Variants in SOX30 observed in about 807,000 individuals in gnomAD.
SOX30 encodes transcription factor SOX-30.
A neutral mutation model predicts 58.6 loss-of-function variants in SOX30; 17 were observed. The ratio of observed to expected loss-of-function variants is 0.29; its 90% CI spans 0.20 to 0.44. The LOEUF (loss-of-function observed/expected upper bound fraction) is 0.44. Ranked by LOEUF, SOX30 falls within the 20% of genes least tolerant of loss-of-function variation. The pLI, the probability that SOX30 is intolerant of heterozygous loss-of-function variation, is 1.00. For missense variants in SOX30, 951 were observed against 965.8 expected (o/e 0.98, Z 0.20); for synonymous variants, 421 against 400.2 (o/e 1.05, Z -0.62).
At chr5:157,664,660 A>C (rs1759638648) in intron 2 of SOX30, among the ~76,000 whole-genome samples, 1 of 152,240 alleles carries the variant, frequency 6.6e-6, no homozygotes, top group East Asian at 1.9e-4. Context: ...CAGAGTGAAC[A>C]GGCAACCTAC....
chr5:157,666,516 CACACACACACA>C (rs1759676016), intron 2 of SOX30, among the ~76,000 whole-genome samples: 1 of 148,954 alleles, frequency 6.7e-6, no homozygotes, highest in African/African-American at 2.5e-5. Flanking sequence ...CACACACACA[CACACACACACA>C]CCTCAGTTCA....
rs905050545 is a variant in SOX30, at chr5:157,667,436, G to C, written c.52+362C>G. Among the ~76,000 whole-genome samples the C allele has an allele frequency of 6.6e-5, 10 of 152,104 alleles. No homozygotes were observed. In the East Asian group the frequency reaches 1.9e-3, roughly 29 times the overall value. ...TGCTTTGGAGTACTTGGAAAAACCA[G>C]TTTAAAAACCTTGAGGCTGGGTATG... On this transcript the variant is annotated intron_variant, in intron 2 of 5. Coordinates refer to the SOX30 transcript ENST00000519442.
intron 4 of SOX30, among the ~76,000 whole-genome samples, chr5:157,635,628 A>AAAAAAC (rs369422470): frequency 0.089 from 13,576 of 151,746 alleles, 766 homozygotes; most frequent in Non-Finnish European, 0.13. Context: ...TGTCTCAAAA[A>AAAAAAC]AAAAACAAAA....
At chr5:157,656,827 G>A (rs1017341102), upstream of SOX30, among the ~76,000 whole-genome samples, 3 of 152,184 alleles carry the variant, frequency 2.0e-5, no homozygotes, top group African/African-American at 7.2e-5. Flanking sequence ...GAAAGTTTTG[G>A]AAAGTGTGAA....
chr5:157,671,091 C>T (rs1759771643), intron 1 of SOX30, among the ~76,000 whole-genome samples: 1 of 152,150 alleles, frequency 6.6e-6, no homozygotes, highest in African/African-American at 2.4e-5. Context: ...AAGCCTTAGC[C>T]AAGGGTCTTC....
chr5:157,652,385 T>G lies in SOX30; in HGVS notation c.-307A>C, dbSNP rs968032663. The G allele has an allele frequency of 1.5e-5, 17 of 1,115,934 alleles. No individual in the cohort carries two copies. The highest frequency in any genetic ancestry group is 3.2e-5 in the African/African-American group (2 of 61,702). The allele number at this position is 1,115,934 out of a possible 1,614,324, so 69.1% of individuals were successfully genotyped here. The stretch of plus-strand genomic sequence containing the variant: ...TTTCGTTCTGACTCTCTTGTGGAGT[T>G]CTCTTACAGCCGTTGTCTTTAGTCA... On this transcript the variant is annotated 5_prime_UTR_variant, in exon 1 of 5. Transcript: ENST00000265007.
At position 157,652,249 on chromosome 5, in the gene SOX30, T is replaced by G; in HGVS notation, c.-171A>C. The G allele has an allele frequency of 7.9e-7, 1 of 1,260,426 alleles. No homozygotes were observed. The highest frequency in any genetic ancestry group is 9.9e-7 in the Non-Finnish European group (1 of 1,006,682). The allele number at this position is 1,260,426 out of a possible 1,614,324, so 78.1% of individuals were successfully genotyped here. On this transcript the variant is annotated 5_prime_UTR_variant, in exon 1 of 5. Transcript: ENST00000265007. Reference sequence around the variant, plus strand: ...ACCCAATCACAACGACCGATACCCGTGGACGGCCAATCACAGGCGGGTTTT... The same window carrying G: ...ACCCAATCACAACGACCGATACCCGGGGACGGCCAATCACAGGCGGGTTTT...
upstream of SOX30, chr5:157,652,493 T>G (rs1005194355): frequency 1.6e-6 from 1 of 613,046 alleles, no homozygotes; most frequent in Non-Finnish European, 2.0e-6. Flanking sequence ...GGGAATGAAG[T>G]CTTGCGTCAC....
chr5:157,671,165 T>C (rs1283172835), intron 1 of SOX30, among the ~76,000 whole-genome samples: 3 of 152,126 alleles, frequency 2.0e-5, no homozygotes, highest in East Asian at 1.9e-4. Context: ...TTGGTTTCCA[T>C]AGCAATTGTC....
upstream of SOX30, among the ~76,000 whole-genome samples, chr5:157,655,419 G>A (rs1759452838): frequency 6.6e-6 from 1 of 152,228 alleles, no homozygotes; most frequent in Non-Finnish European, 1.5e-5. Context: ...TAGGGGGCTA[G>A]AAGCCCCTCT....
intron 4 of SOX30, among the ~76,000 whole-genome samples, chr5:157,637,518 T>G (rs554176740): frequency 1.6e-4 from 24 of 152,280 alleles, no homozygotes; most frequent in African/African-American, 4.6e-4. Context: ...AGGATACTAC[T>G]AAACCCCAGA....
chr5:157,654,850 C>G (rs368017368), upstream of SOX30, among the ~76,000 whole-genome samples: 84 of 152,154 alleles, frequency 5.5e-4, no homozygotes, highest in African/African-American at 2.0e-3. Flanking sequence ...CCTATATGGT[C>G]TAAAAAGGGG....
At chr5:157,657,493 A>T (rs1480811543) in intron 2 of SOX30, among the ~76,000 whole-genome samples, 1 of 152,212 alleles carries the variant, frequency 6.6e-6, no homozygotes, top group Non-Finnish European at 1.5e-5. Context: ...TGATATTAAA[A>T]TAAAGGAAAA....
chr5:157,645,208 TA>T (rs933996184), intron 3 of SOX30, among the ~76,000 whole-genome samples: 9 of 151,892 alleles, frequency 5.9e-5, no homozygotes, highest in Non-Finnish European at 1.2e-4. Context: ...AATGATACAT[TA>T]AAAAACAACA....
chr5:157,649,297 T>C (rs1759270368), intron 1 of SOX30, among the ~76,000 whole-genome samples: 1 of 152,236 alleles, frequency 6.6e-6, no homozygotes, highest in Non-Finnish European at 1.5e-5. Context: ...CTCGTGACTA[T>C]AATCTTAGCT....
chr5:157,630,048 A>C (rs745379474), intron 4 of SOX30, among the ~76,000 whole-genome samples: 1 of 152,224 alleles, frequency 6.6e-6, no homozygotes, highest in Non-Finnish European at 1.5e-5. Flanking sequence ...GGAGAATATA[A>C]GTGATGGAAA....
chr5:157,638,692 G>A lies in SOX30; in HGVS notation c.1418C>T (p.Thr473Ile), dbSNP rs769700338. 14 of 1,612,552 alleles carry A rather than the reference G, an allele frequency of 8.7e-6. No homozygotes were observed. In the African/African-American group the frequency reaches 1.6e-4, roughly 18 times the overall value. The change falls in exon 4 of 5, where the codon ACA becomes ATA. Residue 473 changes from threonine to isoleucine, a missense_variant. By Grantham distance (89) the Thr-to-Ile change is moderately conservative. Transcript: ENST00000265007. ...GETSPAIQLP[T>I]PAVQSPSPVT... ...AGGGCTTGGGCTCTGGACTGCAGGT[G>A]TGGGCAGCTGGATAGCAGGTGAGGT...
intron 4 of SOX30, among the ~76,000 whole-genome samples, chr5:157,633,922 C>T (rs919809957): frequency 2.0e-5 from 3 of 152,166 alleles, no homozygotes; most frequent in Non-Finnish European, 4.4e-5. Flanking sequence ...TACTATGTAT[C>T]TCCCTTGAAT....
intron 2 of SOX30, among the ~76,000 whole-genome samples, chr5:157,662,577 G>A (rs1013446563): frequency 6.6e-5 from 10 of 151,790 alleles, no homozygotes; most frequent in African/African-American, 2.4e-4. Context: ...TTTTTTCTTT[G>A]ATGTGTAAAC....
Sources: gnomAD v4.1 joint callset for allele counts (sites outside exome capture counted in the v4.1 genomes callset) on GRCh38, gnomAD v4.1.1 for gene constraint, MANE v1.5 for transcripts, NCBI Gene and HGNC (gene_info 2026-07-23, HGNC 2026-07-21) for gene names.